Variants in GUCY1A2 observed in about 807,000 individuals in gnomAD.
The protein encoded by GUCY1A2 is guanylate cyclase 1 soluble subunit alpha 2.
GUCY1A2 carries 27 observed loss-of-function variants against 63.5 expected under a neutral mutation model. The observed-to-expected ratio is 0.43, with a 90% confidence interval of 0.31 to 0.59. The LOEUF is 0.59. Among genes scored for constraint, GUCY1A2 ranks in the 20% least tolerant of loss-of-function variants. The probability of loss-of-function intolerance (pLI) is 0.11; values close to 1 mark genes in which losing one functional copy is unlikely to be tolerated. For synonymous variants in GUCY1A2, 364 were observed against 343.5 expected (o/e 1.06, Z -0.66); for missense variants, 768 against 913.3 (o/e 0.84, Z 2.05).
chr11:106,835,563 A>G (rs1859105473), intron 4 of GUCY1A2, among the ~76,000 whole-genome samples: 1 of 151,754 alleles, frequency 6.6e-6, no homozygotes, highest in Non-Finnish European at 1.5e-5. Flanking sequence ...AAAAATATGA[A>G]CTCACGATAT....
chr11:106,790,231 C>T (rs1008920201), intron 5 of GUCY1A2, among the ~76,000 whole-genome samples: 25 of 152,102 alleles, frequency 1.6e-4, no homozygotes, highest in African/African-American at 5.6e-4. Flanking sequence ...ACTCTTCCCT[C>T]CCCTTTCCAC....
chr11:106,935,546 A>G (rs1860664200), intron 4 of GUCY1A2, among the ~76,000 whole-genome samples: 1 of 152,148 alleles, frequency 6.6e-6, no homozygotes, highest in Non-Finnish European at 1.5e-5. Context: ...TAGAGATGAA[A>G]GAAAGCTTCA....
At chr11:106,928,079 C>T (rs545303027) in intron 4 of GUCY1A2, among the ~76,000 whole-genome samples, 1 of 152,134 alleles carries the variant, frequency 6.6e-6, no homozygotes, top group African/African-American at 2.4e-5. Flanking sequence ...AGATCTACAC[C>T]TACCTTATTC....
chr11:106,842,232 T>C (rs748683197), intron 4 of GUCY1A2, among the ~76,000 whole-genome samples: 3 of 151,968 alleles, frequency 2.0e-5, no homozygotes, highest in Non-Finnish European at 4.4e-5. Context: ...TCCATCAAGA[T>C]TGACAGTGTT....
intron 4 of GUCY1A2, among the ~76,000 whole-genome samples, chr11:106,861,233 G>A (rs1859507486): frequency 6.6e-6 from 1 of 151,934 alleles, no homozygotes; most frequent in African/African-American, 2.4e-5. Flanking sequence ...AGCTAATCTA[G>A]GAGCCTATCT....
chr11:106,864,165 G>A (rs1859555310), intron 4 of GUCY1A2, among the ~76,000 whole-genome samples: 1 of 151,846 alleles, frequency 6.6e-6, no homozygotes, highest in Non-Finnish European at 1.5e-5. Context: ...GTATACCTAT[G>A]TAACAAACCT....
intron 6 of GUCY1A2, among the ~76,000 whole-genome samples, chr11:106,722,145 C>T (rs1389027524): frequency 2.0e-5 from 3 of 152,154 alleles, no homozygotes; most frequent in Non-Finnish European, 4.4e-5. Flanking sequence ...CTTCTAAATA[C>T]TTGCAGCATG....
At chr11:106,858,536 A>T (rs1034037255) in intron 4 of GUCY1A2, among the ~76,000 whole-genome samples, 2 of 152,132 alleles carry the variant, frequency 1.3e-5, no homozygotes, top group Non-Finnish European at 2.9e-5. Context: ...CTAGGAATAC[A>T]TCATCAAGAG....
intron 1 of GUCY1A2, among the ~76,000 whole-genome samples, chr11:107,012,570 G>C (rs1052858253): frequency 1.3e-5 from 2 of 152,154 alleles, no homozygotes; most frequent in African/African-American, 2.4e-5. Flanking sequence ...CTCATACTTA[G>C]TAAGGGGCTC....
At chr11:106,777,419 C>T (rs1268209370) in intron 5 of GUCY1A2, among the ~76,000 whole-genome samples, 1 of 146,504 alleles carries the variant, frequency 6.8e-6, no homozygotes, top group Non-Finnish European at 1.5e-5. Context: ...TGCGCTCCAG[C>T]CTGGTGACAG....
chr11:106,862,390 TATC>T (rs1555041811), intron 4 of GUCY1A2, among the ~76,000 whole-genome samples: 1 of 151,840 alleles, frequency 6.6e-6, no homozygotes, highest in Non-Finnish European at 1.5e-5. Context: ...TGGTAGCTGA[TATC>T]ATCATCATCA....
At chr11:106,690,996 T>C (rs1862613939) in intron 7 of GUCY1A2, among the ~76,000 whole-genome samples, 2 of 152,358 alleles carry the variant, frequency 1.3e-5, no homozygotes, top group Middle Eastern at 3.4e-3. Context: ...TATTAATATA[T>C]AATCAGTCAC....
chr11:106,841,048 G>A (rs1488076754), intron 4 of GUCY1A2, among the ~76,000 whole-genome samples: 2 of 151,780 alleles, frequency 1.3e-5, no homozygotes, highest in Non-Finnish European at 2.9e-5. Flanking sequence ...TAGGATAAAG[G>A]ACAATACCAC....
intron 4 of GUCY1A2, among the ~76,000 whole-genome samples, chr11:106,817,560 G>A (rs1858848078): frequency 6.6e-6 from 1 of 151,976 alleles, no homozygotes; most frequent in South Asian, 2.1e-4. Flanking sequence ...ACAGTGTGAA[G>A]AAACGACATA....
At chr11:107,002,964 T>C (rs780480300) in intron 1 of GUCY1A2, among the ~76,000 whole-genome samples, 1 of 152,156 alleles carries the variant, frequency 6.6e-6, no homozygotes, top group African/African-American at 2.4e-5. Context: ...AAGAAAGAAG[T>C]GTCCTCATTC....
rs565979005 is a variant in GUCY1A2, at chr11:106,775,744, G to A, written c.1836+695C>T. On this transcript the variant is annotated intron_variant, in intron 6 of 7. Transcript: ENST00000526355. ...TCTTAGCTGGTAAGCTGTTATAAAA[G>A]GGTGGACTTGAATACAAGTTTACTT... is the stretch of plus-strand genomic sequence containing the variant. Among the ~76,000 whole-genome samples the A allele has an allele frequency of 1.3e-4, 15 of 118,156 alleles. 1 individual carries two copies. In the South Asian group the frequency reaches 3.6e-3, roughly 29 times the overall value. The allele number at this position is 118,156 out of a possible 152,430, so 77.5% of individuals were successfully genotyped here. A position where few individuals can be genotyped will look rare whatever the true frequency, so the allele number is the denominator to read the frequency against.
intron 4 of GUCY1A2, chr11:106,827,890 T>TGAA: frequency 6.5e-7 from 1 of 1,549,996 alleles, no homozygotes. Flanking sequence ...GCTGCCTTCA[T>TGAA]GCTGCCGGAC....
At chr11:106,866,242 A>T (rs1325092730) in intron 4 of GUCY1A2, among the ~76,000 whole-genome samples, 1 of 151,748 alleles carries the variant, frequency 6.6e-6, no homozygotes, top group African/African-American at 2.4e-5. Flanking sequence ...CAAGTTCTTG[A>T]ATTAAAAAAA....
rs976541176 is a variant in GUCY1A2, at chr11:106,679,288, G to A, written c.*8261C>T. ...TTAAGTTTAGAAGACTAGAGTCTTC[G>A]TGTCTCACAGAATACCATTAAATGC... On this transcript the variant is annotated 3_prime_UTR_variant, in exon 8 of 8. Transcript: ENST00000526355. 6.9e-5 allele frequency: 13 copies of A among 188,480 alleles called. No individual in the cohort carries two copies. Among genetic ancestry groups the A allele is most frequent in the Non-Finnish European group, 1.2e-4 (11 of 89,688 alleles). The allele number at this position is 188,480 out of a possible 1,614,324, so 11.7% of individuals were successfully genotyped here. A position where few individuals can be genotyped will look rare whatever the true frequency, so the allele number is the denominator to read the frequency against.
Sources: gnomAD v4.1 joint callset for allele counts (sites outside exome capture counted in the v4.1 genomes callset) on GRCh38, gnomAD v4.1.1 for gene constraint, MANE v1.5 for transcripts, NCBI Gene and HGNC (gene_info 2026-07-23, HGNC 2026-07-21) for gene names.